The following GCNT2 variants were observed in gnomAD, a reference collection of about 807,000 sequenced individuals.
GCNT2 encodes glucosaminyl (N-acetyl) transferase 2 (I blood group), also known as N-acetyllactosaminide beta-1,6-N-acetylglucosaminyl-transferase.
GCNT2 carries 34 observed loss-of-function variants against 34.2 expected under a neutral mutation model. The ratio of observed to expected loss-of-function variants is 1.00; its 90% CI spans 0.76 to 1.32. The LOEUF (loss-of-function observed/expected upper bound fraction) is 1.32. Among genes scored for constraint, GCNT2 ranks in the 40% most tolerant of loss-of-function variants. The probability of loss-of-function intolerance (pLI) is 0.00; values close to 1 mark genes in which losing one functional copy is unlikely to be tolerated. For synonymous variants in GCNT2, 212 were observed against 188.0 expected (o/e 1.13, Z -1.04); for missense variants, 584 against 489.4 (o/e 1.19, Z -1.82).
At chr6:10,545,169 A>G (rs1403241421) in intron 3 of GCNT2, among the ~76,000 whole-genome samples, 5 of 151,240 alleles carry the variant, frequency 3.3e-5, no homozygotes, top group Non-Finnish European at 1.5e-5. Context: ...TTTCTAGTCT[A>G]TATCCTTTTC....
intron 3 of GCNT2, among the ~76,000 whole-genome samples, chr6:10,540,122 AGGAT>A (rs1308150590): frequency 1.3e-5 from 2 of 151,808 alleles, no homozygotes; most frequent in Non-Finnish European, 2.9e-5. Context: ...AAGAAAGTAA[AGGAT>A]GGAAGGAAGG....
intron 3 of GCNT2, among the ~76,000 whole-genome samples, chr6:10,597,861 G>A (rs1314901147): frequency 1.3e-5 from 2 of 152,252 alleles, no homozygotes; most frequent in African/African-American, 4.8e-5. Context: ...GTTAAAAACA[G>A]TAGAATACTA....
At chr6:10,585,618 C>G (rs116608304) in intron 3 of GCNT2, 1 of 314,560 alleles carries the variant, frequency 3.2e-6, no homozygotes, top group African/African-American at 2.2e-5. Flanking sequence ...AAGAGAAACT[C>G]GGCTCCAGTG....
chr6:10,581,675 G>C (rs1764073464), intron 3 of GCNT2: 1 of 821,628 alleles, frequency 1.2e-6, no homozygotes, highest in African/African-American at 1.8e-5. Context: ...TCTTGAGTTT[G>C]TTTTGCATTG....
intron 3 of GCNT2, among the ~76,000 whole-genome samples, chr6:10,552,290 A>G (rs1369637805): frequency 6.8e-5 from 10 of 147,970 alleles, no homozygotes; most frequent in African/African-American, 2.6e-4. Context: ...TATCATGATC[A>G]TTATCATGTT....
chr6:10,610,901 T>A (rs1234787152), intron 3 of GCNT2, among the ~76,000 whole-genome samples: 1 of 152,190 alleles, frequency 6.6e-6, no homozygotes, highest in African/African-American at 2.4e-5. Flanking sequence ...ATTCTAAAAT[T>A]CAGGGGTTTT....
intron 3 of GCNT2, among the ~76,000 whole-genome samples, chr6:10,531,601 G>A (rs1276881108): frequency 6.6e-6 from 1 of 152,190 alleles, no homozygotes. Context: ...CATAGGCTTA[G>A]AATTCTCTTT....
At chr6:10,589,086 AGTGTGGTGTGTGTGTAGT>A (rs1561821975) in intron 3 of GCNT2, among the ~76,000 whole-genome samples, 3 of 78,442 alleles carry the variant, frequency 3.8e-5, no homozygotes, top group East Asian at 8.2e-4. Context: ...GCGTGTTTGT[AGTGTGGTGTGTGTGTAGT>A]GTGTGTGTGG....
In GCNT2 at chr6:10,626,784, A is replaced by T; in HGVS notation, c.*177A>T. On this transcript the variant is annotated 3_prime_UTR_variant, in exon 5 of 5. Coordinates refer to ENST00000495262, the MANE Select transcript of GCNT2 (RefSeq NM_145649.5). Reference sequence around the variant, plus strand: ...ACTGGACACTGTGAAATACACTAACAGGATGGCTGGGTAGAGCAATCTGGG... The same window carrying T: ...ACTGGACACTGTGAAATACACTAACTGGATGGCTGGGTAGAGCAATCTGGG... The T allele has an allele frequency of 1.6e-6, 1 of 613,248 alleles. No individual in the cohort carries two copies. Among genetic ancestry groups the T allele is most frequent in the Non-Finnish European group, 2.9e-6 (1 of 343,220 alleles). The allele number at this position is 613,248 out of a possible 1,614,324, so 38.0% of individuals were successfully genotyped here.
At position 10,621,869 on chromosome 6, in the gene GCNT2, C is replaced by A. The variant is rs571118002; in HGVS notation, c.1018+426C>A. The stretch of plus-strand genomic sequence containing the variant: ...CACAGGCGTGCACCACCACACCTGG[C>A]TAATTTTTTTTTTTCTTGTAGAGTC... On this transcript the variant is annotated intron_variant, in intron 4 of 4. Coordinates refer to ENST00000495262, the MANE Select transcript of GCNT2 (RefSeq NM_145649.5). 1.2e-3 allele frequency among the ~76,000 whole-genome samples: 178 copies of A among 152,224 alleles called. 1 individual carries two copies. Among genetic ancestry groups the A allele is most frequent in the African/African-American group, 3.9e-3 (162 of 41,546 alleles).
At chr6:10,600,362 G>A (rs1227962005) in intron 3 of GCNT2, among the ~76,000 whole-genome samples, 1 of 152,172 alleles carries the variant, frequency 6.6e-6, no homozygotes, top group Non-Finnish European at 1.5e-5. Flanking sequence ...GATCCGTTCT[G>A]TTTTACATTG....
intron 3 of GCNT2, among the ~76,000 whole-genome samples, chr6:10,561,574 G>T (rs1024441480): frequency 6.6e-6 from 1 of 152,172 alleles, no homozygotes; most frequent in African/African-American, 2.4e-5. Flanking sequence ...GCCGCTGGTT[G>T]ATCTTCTTCC....
intron 3 of GCNT2, among the ~76,000 whole-genome samples, chr6:10,580,070 C>T (rs1764004061): frequency 6.6e-6 from 1 of 152,118 alleles, no homozygotes. Context: ...ACAGGCTAAG[C>T]CTCAGAGGGA....
rs569737025 is a variant in GCNT2 at position 10,611,533 on chromosome 6, G to A, written c.926-9818G>A. ...TTTAGTAGAGACGGGGTTTCACCAT[G>A]TTGGCCAGGATGGTCTCGATCTCTT... On this transcript the variant is annotated intron_variant, in intron 3 of 4. Coordinates refer to ENST00000495262, the MANE Select transcript of GCNT2 (RefSeq NM_145649.5). 3.3e-5 allele frequency among the ~76,000 whole-genome samples: 5 copies of A among 152,012 alleles called. 1 individual carries two copies. The Middle Eastern group carries it at 0.01, about 310-fold the overall frequency.
rs564517 is a variant in GCNT2, at chr6:10,556,106, G to C, written c.925+26270G>C. 5,345 of 1,248,286 alleles carry C rather than the reference G, an allele frequency of 4.3e-3. 138 individuals carry two copies. In the African/African-American group the frequency reaches 0.057, roughly 13 times the overall value. The allele number at this position is 1,248,286 out of a possible 1,614,324, so 77.3% of individuals were successfully genotyped here. On this transcript the variant is annotated intron_variant, in intron 3 of 4. Coordinates refer to ENST00000495262, the MANE Select transcript of GCNT2 (RefSeq NM_145649.5). ...AACTAAATCTGCCGGGGGAAAGAGA[G>C]TTACCGGAGTTTTAGCAAAACAGCT...
At chr6:10,623,258 C>T (rs12528237) in intron 4 of GCNT2, among the ~76,000 whole-genome samples, 6,294 of 150,788 alleles carry the variant, frequency 0.042, 249 homozygotes, top group Admixed American at 0.11. Flanking sequence ...CCTGTATTTT[C>T]TCCAGGGGAC....
At chr6:10,540,393 A>G (rs940676106) in intron 3 of GCNT2, among the ~76,000 whole-genome samples, 10 of 128,632 alleles carry the variant, frequency 7.8e-5, no homozygotes, top group African/African-American at 1.0e-4. Context: ...TCCTCTGTTC[A>G]AGATCCAGTT....
At chr6:10,568,128 C>T (rs910980701) in intron 3 of GCNT2, among the ~76,000 whole-genome samples, 60 of 152,276 alleles carry the variant, frequency 3.9e-4, no homozygotes, top group Admixed American at 2.7e-3. Context: ...TTTGTGATCT[C>T]ATTTACATCT....
chr6:10,551,206 A>G (rs1762463156), intron 3 of GCNT2, among the ~76,000 whole-genome samples: 1 of 152,158 alleles, frequency 6.6e-6, no homozygotes, highest in Non-Finnish European at 1.5e-5. Context: ...CTATTTAAAT[A>G]CTTTGTATAC....
Sources: gnomAD v4.1 joint callset for allele counts (sites outside exome capture counted in the v4.1 genomes callset) on GRCh38, gnomAD v4.1.1 for gene constraint, MANE v1.5 for transcripts, NCBI Gene and HGNC (gene_info 2026-07-23, HGNC 2026-07-21) for gene names.